Variants in AUH observed in about 807,000 individuals in gnomAD.
AUH encodes AU RNA binding methylglutaconyl-CoA hydratase, also known as methylglutaconyl-CoA hydratase, mitochondrial.
A neutral mutation model predicts 42.3 loss-of-function variants in AUH; 29 were observed. The ratio of observed to expected loss-of-function variants is 0.69; its 90% CI spans 0.51 to 0.93. The LOEUF is 0.93. Among genes scored for constraint, AUH ranks in the 40% least tolerant of loss-of-function variants. The pLI is 0.00. For missense variants in AUH, 452 were observed against 438.1 expected, an observed-to-expected ratio of 1.03 and a Z score of -0.28; for synonymous variants, 174 against 166.4, an observed-to-expected ratio of 1.05 and a Z score of -0.35.
intron 4 of AUH, among the ~76,000 whole-genome samples, chr9:91,319,160 T>G (rs1318707810): frequency 1.3e-5 from 2 of 152,242 alleles, no homozygotes; most frequent in African/African-American, 4.8e-5. Flanking sequence ...AGCACGGCCT[T>G]GTGTTGACCC....
At chr9:91,307,057 G>A (rs777259352) in intron 4 of AUH, among the ~76,000 whole-genome samples, 6 of 152,236 alleles carry the variant, frequency 3.9e-5, no homozygotes, top group Middle Eastern at 3.4e-3. Context: ...TACAAGTTCA[G>A]TAATTGCCTG....
intron 9 of AUH, among the ~76,000 whole-genome samples, chr9:91,215,233 T>C (rs546934119): frequency 2.0e-5 from 3 of 152,298 alleles, no homozygotes; most frequent in Non-Finnish European, 2.9e-5. Flanking sequence ...ATTTTTTTTT[T>C]CCTCTCCAGG....
intron 4 of AUH, among the ~76,000 whole-genome samples, chr9:91,310,945 T>C (rs1274574257): frequency 6.6e-6 from 1 of 152,230 alleles, no homozygotes; most frequent in Non-Finnish European, 1.5e-5. Context: ...TAGTGACTTG[T>C]TTTGCATTAC....
At chr9:91,349,888 C>T (rs982368771) in intron 3 of AUH, among the ~76,000 whole-genome samples, 3 of 152,200 alleles carry the variant, frequency 2.0e-5, no homozygotes, top group Non-Finnish European at 4.4e-5. Flanking sequence ...GAAGTACAGG[C>T]AAGCCATGAA....
intron 6 of AUH, among the ~76,000 whole-genome samples, chr9:91,283,675 AAC>A (rs1195314254): frequency 6.6e-6 from 1 of 151,380 alleles, no homozygotes. Context: ...ATAACAGACA[AAC>A]AGAGAGCCAA....
At position 91,244,297 on chromosome 9, in the gene AUH, T is replaced by C. The variant is rs189924386; in HGVS notation, c.656-23305A>G. ...TAAAAGGTTCACTGTATAGTATTAA[T>C]AGAATATCAGTTAAAATAACATTGG... is the stretch of plus-strand genomic sequence containing the variant. On this transcript the variant is annotated intron_variant, in intron 6 of 9. Coordinates refer to ENST00000375731, the MANE Select transcript of AUH (RefSeq NM_001698.3). Among the ~76,000 whole-genome samples the C allele has an allele frequency of 1.7e-3, 255 of 152,352 alleles. 1 individual carries two copies. The highest frequency in any genetic ancestry group is 3.4e-3 in the Admixed American group (52 of 15,306).
At chr9:91,273,824 T>G (rs1825346105) in intron 6 of AUH, among the ~76,000 whole-genome samples, 1 of 152,184 alleles carries the variant, frequency 6.6e-6, no homozygotes, top group Non-Finnish European at 1.5e-5. Context: ...CTTAAAAGGA[T>G]CTGAGCTCTT....
At chr9:91,344,423 C>G (rs1243587021) in intron 3 of AUH, among the ~76,000 whole-genome samples, 7 of 152,168 alleles carry the variant, frequency 4.6e-5, no homozygotes, top group African/African-American at 1.7e-4. Flanking sequence ...TGTATAAAAC[C>G]AAGCTGTAGA....
intron 3 of AUH, among the ~76,000 whole-genome samples, chr9:91,346,727 ACAAG>A (rs1831536538): frequency 6.6e-6 from 1 of 152,148 alleles, no homozygotes; most frequent in African/African-American, 2.4e-5. Context: ...AAGGGGTCCC[ACAAG>A]GCTGCCCTCA....
chr9:91,319,936 T>C (rs577443710), intron 4 of AUH, among the ~76,000 whole-genome samples: 1 of 152,282 alleles, frequency 6.6e-6, no homozygotes, highest in South Asian at 2.1e-4. Flanking sequence ...AAACTTTCAC[T>C]CCTGCTCTAA....
At chr9:91,252,213 C>T (rs963443998) in intron 6 of AUH, among the ~76,000 whole-genome samples, 3 of 152,092 alleles carry the variant, frequency 2.0e-5, no homozygotes, top group Non-Finnish European at 2.9e-5. Context: ...GATCTGCCTG[C>T]CTCGGCCTCC....
At chr9:91,236,274 G>A (rs1188774870) in intron 6 of AUH, among the ~76,000 whole-genome samples, 2 of 151,806 alleles carry the variant, frequency 1.3e-5, no homozygotes, top group African/African-American at 4.8e-5. Flanking sequence ...GGATCGGGGT[G>A]GGGGTCTGGA....
At chr9:91,290,970 T>TTC (rs561746034) in intron 6 of AUH, among the ~76,000 whole-genome samples, 1 of 152,190 alleles carries the variant, frequency 6.6e-6, no homozygotes, top group Non-Finnish European at 1.5e-5. Flanking sequence ...CTGAAATTTA[T>TTC]TCTCTCTCAG....
intron 4 of AUH, among the ~76,000 whole-genome samples, chr9:91,312,332 G>T (rs1013959581): frequency 6.6e-6 from 1 of 152,110 alleles, no homozygotes; most frequent in Admixed American, 6.5e-5. Context: ...AGGCAAGAGG[G>T]GAAAATGGTA....
intron 3 of AUH, among the ~76,000 whole-genome samples, chr9:91,331,648 C>T (rs1031276030): frequency 1.3e-5 from 2 of 152,154 alleles, no homozygotes; most frequent in Non-Finnish European, 2.9e-5. Context: ...TTTGAGAAAA[C>T]ATATATTTTA....
At chr9:91,280,506 A>G (rs10512208) in intron 6 of AUH, among the ~76,000 whole-genome samples, 6,325 of 152,290 alleles carry the variant, frequency 0.042, 411 homozygotes, top group African/African-American at 0.14. Flanking sequence ...GGAGGAAATT[A>G]AAATACTCAT....
chr9:91,345,581 C>A (rs1423833683), intron 3 of AUH, among the ~76,000 whole-genome samples: 2 of 152,102 alleles, frequency 1.3e-5, no homozygotes, highest in African/African-American at 2.4e-5. Context: ...CGCCTGTAAT[C>A]CCAGCACTTT....
chr9:91,324,976 G>C (rs573202622), intron 4 of AUH, among the ~76,000 whole-genome samples: 4 of 151,916 alleles, frequency 2.6e-5, no homozygotes, highest in Non-Finnish European at 5.9e-5. Flanking sequence ...TCTTAAAAAA[G>C]TATGATCCTG....
At chr9:91,240,161 T>C (rs747518043) in intron 6 of AUH, among the ~76,000 whole-genome samples, 6 of 152,346 alleles carry the variant, frequency 3.9e-5, no homozygotes, top group Admixed American at 2.6e-4. Context: ...TTAAAAAAAA[T>C]TTTGAAGATG....
Sources: gnomAD v4.1 joint callset for allele counts (sites outside exome capture counted in the v4.1 genomes callset) on GRCh38, gnomAD v4.1.1 for gene constraint, MANE v1.5 for transcripts, NCBI Gene and HGNC (gene_info 2026-07-23, HGNC 2026-07-21) for gene names.